The following LDB2 variants were observed in gnomAD, a reference collection of about 807,000 sequenced individuals.
The protein encoded by LDB2 is LIM domain-binding protein 2.
Under a neutral mutation model 44.3 loss-of-function variants are expected in LDB2, and 12 were observed. The ratio of observed to expected loss-of-function variants is 0.27; its 90% CI spans 0.17 to 0.44. The LOEUF (loss-of-function observed/expected upper bound fraction) is 0.44, where lower values mean the gene tolerates loss of function less well. Among genes scored for constraint, LDB2 ranks in the 20% least tolerant of loss-of-function variants. LDB2 has a pLI of 1.00. For synonymous variants in LDB2, 164 were observed against 174.8 expected, an observed-to-expected ratio of 0.94 and a Z score of 0.49; for missense variants, 344 against 473.5, an observed-to-expected ratio of 0.73 and a Z score of 2.54.
At chr4:16,879,123 G>C (rs1214701816) in intron 1 of LDB2, among the ~76,000 whole-genome samples, 2 of 152,108 alleles carry the variant, frequency 1.3e-5, no homozygotes, top group Non-Finnish European at 2.9e-5. Flanking sequence ...GGCTCTGCTT[G>C]ATATAGATGT....
At position 16,570,859 on chromosome 4, in the gene LDB2, CTATTT is replaced by C. The variant is rs758334946; in HGVS notation, c.615+15058_615+15062del. Reference sequence around the variant, plus strand: ...CTTTATCGTGAACACTTTTCTGGTACTATTTTATTTAATGCTCTCAATTACTCATT... The same window carrying C: ...CTTTATCGTGAACACTTTTCTGGTACTATTTAATGCTCTCAATTACTCATT... On this transcript the variant is annotated intron_variant, in intron 5 of 7. Coordinates refer to ENST00000304523, the MANE Select transcript of LDB2 (RefSeq NM_001290.5). Among the ~76,000 whole-genome samples the C allele has an allele frequency of 1.8e-3, 272 of 152,224 alleles. 1 individual carries two copies. The highest frequency in any genetic ancestry group is 2.7e-3 in the Non-Finnish European group (184 of 68,004).
In LDB2 at chr4:16,696,665, G is replaced by A. The variant is rs142603266; in HGVS notation, c.235+62493C>T. 3.3e-5 allele frequency among the ~76,000 whole-genome samples: 5 copies of A among 152,222 alleles called. No homozygotes were observed. The East Asian group carries it at 9.7e-4, about 29-fold the overall frequency. ...CACAGCAGAAGATATATTTATTACC[G>A]GTTTCTGCACATTAGGGTGTTATTT... On this transcript the variant is annotated intron_variant, in intron 2 of 7. Transcript: ENST00000304523.
chr4:16,666,755 G>A (rs1036717067), intron 2 of LDB2, among the ~76,000 whole-genome samples: 2 of 152,166 alleles, frequency 1.3e-5, no homozygotes, highest in Non-Finnish European at 2.9e-5. Flanking sequence ...GTATTTGAAT[G>A]ACAACAAATT....
chr4:16,843,429 G>GTGAATGAA (rs1424633856), intron 1 of LDB2, among the ~76,000 whole-genome samples: 1 of 152,148 alleles, frequency 6.6e-6, no homozygotes, highest in South Asian at 2.1e-4. Context: ...GAGTGAATGA[G>GTGAATGAA]TGAATGAATG....
At chr4:16,612,579 A>G (rs556089628) in intron 2 of LDB2, among the ~76,000 whole-genome samples, 1 of 152,288 alleles carries the variant, frequency 6.6e-6, no homozygotes, top group African/African-American at 2.4e-5. Flanking sequence ...GAATACTACA[A>G]ACACCTCTAA....
chr4:16,508,393 G>A (rs957038845), intron 7 of LDB2, 142 bp downstream of exon 7: 7 of 690,234 alleles, frequency 1.0e-5, no homozygotes, highest in African/African-American at 7.4e-5. Context: ...CCCAACCTCT[G>A]TCCCTGTCTT....
At chr4:16,502,900 A>G (rs1355460344) in intron 7 of LDB2, 27 bp from the exon 8 acceptor site, 1 of 1,611,632 alleles carries the variant, frequency 6.2e-7, no homozygotes, top group Non-Finnish European at 8.5e-7. Context: ...ACATTATTAC[A>G]GGGAAACCTT....
chr4:16,658,019 A>C (rs545177967), intron 2 of LDB2, among the ~76,000 whole-genome samples: 1 of 152,350 alleles, frequency 6.6e-6, no homozygotes, highest in Admixed American at 6.5e-5. Flanking sequence ...ATTTTATGTT[A>C]CGAGTATATT....
chr4:16,733,426 T>C (rs1171233402), intron 2 of LDB2, among the ~76,000 whole-genome samples: 1 of 152,014 alleles, frequency 6.6e-6, no homozygotes, highest in African/African-American at 2.4e-5. Context: ...CTCTGATTCC[T>C]GATTTGGTCT....
chr4:16,880,931 A>G (rs1322131036), intron 1 of LDB2, among the ~76,000 whole-genome samples: 1 of 150,932 alleles, frequency 6.6e-6, no homozygotes, highest in Non-Finnish European at 1.5e-5. Flanking sequence ...AAGCACACAC[A>G]CAAAGAGGAG....
chr4:16,502,406 G>A lies in LDB2; in HGVS notation c.*237C>T, dbSNP rs1717750146. On this transcript the variant is annotated 3_prime_UTR_variant, in exon 8 of 8. Coordinates refer to ENST00000304523, the MANE Select transcript of LDB2 (RefSeq NM_001290.5). Reference sequence around the variant, plus strand: ...TTCTCTCATTTTAATTACAATCAGTGCCAGTATCTGTATTACCTGTGAAGG... The same window carrying A: ...TTCTCTCATTTTAATTACAATCAGTACCAGTATCTGTATTACCTGTGAAGG... The A allele has an allele frequency of 1.8e-6, 1 of 540,656 alleles. No individual in the cohort carries two copies. Among genetic ancestry groups the A allele is most frequent in the Non-Finnish European group, 3.3e-6 (1 of 304,104 alleles). The allele number at this position is 540,656 out of a possible 1,614,324, so 33.5% of individuals were successfully genotyped here. A position where few individuals can be genotyped will look rare whatever the true frequency, so the allele number is the denominator to read the frequency against.
chr4:16,869,613 T>C (rs1715843011), intron 1 of LDB2, among the ~76,000 whole-genome samples: 1 of 152,192 alleles, frequency 6.6e-6, no homozygotes, highest in Non-Finnish European at 1.5e-5. Context: ...ATGGTCGACC[T>C]GAAATCCAAG....
chr4:16,580,316 A>C (rs1029707400), intron 5 of LDB2, among the ~76,000 whole-genome samples: 2 of 152,198 alleles, frequency 1.3e-5, no homozygotes, highest in Non-Finnish European at 2.9e-5. Context: ...AATACACTGA[A>C]AAATTCAGGT....
At chr4:16,583,937 A>G (rs969957136) in intron 5 of LDB2, among the ~76,000 whole-genome samples, 1 of 152,210 alleles carries the variant, frequency 6.6e-6, no homozygotes, top group Admixed American at 6.5e-5. Flanking sequence ...TTGCTCCACC[A>G]TGAAGCCCAG....
chr4:16,511,863 C>T, intron 6 of LDB2, 118 bp downstream of exon 6: 1 of 1,167,610 alleles, frequency 8.6e-7, no homozygotes, highest in Non-Finnish European at 1.2e-6. Context: ...CAGAATATCC[C>T]TAATAAGCTA....
chr4:16,749,429 G>T (rs1765006039), intron 2 of LDB2, among the ~76,000 whole-genome samples: 1 of 151,204 alleles, frequency 6.6e-6, no homozygotes, highest in South Asian at 2.1e-4. Context: ...GTGGTTGTGA[G>T]CGCCTATAGT....
chr4:16,788,560 C>G lies in LDB2; in HGVS notation c.133-29300G>C, dbSNP rs566231410. Among the ~76,000 whole-genome samples, 5 of 152,302 alleles carry G rather than the reference C, an allele frequency of 3.3e-5. No individual in the cohort carries two copies. The South Asian group carries it at 1.0e-3, about 32-fold the overall frequency. ...ACTGGTCTTCTAAAAGGTGTGGGCC[C>G]CAAGCCATCCCAACCCCTATGGGGA... On this transcript the variant is annotated intron_variant, in intron 1 of 7. Coordinates refer to ENST00000304523, the MANE Select transcript of LDB2 (RefSeq NM_001290.5).
chr4:16,502,997 A>C, intron 7 of LDB2, 124 bp from the exon 8 acceptor site: 1 of 1,599,972 alleles, frequency 6.3e-7, no homozygotes, highest in Non-Finnish European at 8.5e-7. Context: ...AACGGGGTCA[A>C]GTCTCAATGT....
intron 5 of LDB2, among the ~76,000 whole-genome samples, chr4:16,559,308 T>C (rs1028970598): frequency 6.6e-5 from 10 of 152,294 alleles, no homozygotes; most frequent in African/African-American, 2.4e-4. Flanking sequence ...GTGTGCTGTA[T>C]TTAGGAAACC....
Sources: gnomAD v4.1 joint callset for allele counts (sites outside exome capture counted in the v4.1 genomes callset) on GRCh38, gnomAD v4.1.1 for gene constraint, MANE v1.5 for transcripts, NCBI Gene and HGNC (gene_info 2026-07-23, HGNC 2026-07-21) for gene names.